The following ASAP2 variants were observed in gnomAD, a reference collection of about 807,000 sequenced individuals.
ASAP2 encodes ArfGAP with SH3 domain, ankyrin repeat and PH domain 2.
ASAP2 carries 45 observed loss-of-function variants against 131.4 expected under a neutral mutation model. That is an observed-to-expected ratio of 0.34 (90% CI 0.27 to 0.44). The LOEUF is 0.44. ASAP2 is among the 20% of genes least tolerant of loss of function. ASAP2 has a pLI of 1.00. For synonymous variants in ASAP2, 510 were observed against 503.0 expected, an observed-to-expected ratio of 1.01 and a Z score of -0.19; for missense variants, 1,011 against 1,297.0, an observed-to-expected ratio of 0.78 and a Z score of 3.39.
chr2:9,379,453 G>C (rs1282770925), intron 19 of ASAP2, among the ~76,000 whole-genome samples: 1 of 152,046 alleles, frequency 6.6e-6, no homozygotes, highest in Non-Finnish European at 1.5e-5. Flanking sequence ...CGGATTACAG[G>C]GGGAGATGCT....
rs1440039817 is a variant in ASAP2 at position 9,356,222 on chromosome 2, A to G, written c.1204A>G (p.Asn402Asp). 6.8e-6 allele frequency: 11 copies of G among 1,614,176 alleles called. No homozygotes were observed. Among genetic ancestry groups the G allele is most frequent in the Non-Finnish European group, 9.3e-6 (11 of 1,180,020 alleles). Residue 402 changes from asparagine to aspartate, a missense_variant, in exon 14 of 28, where the codon AAT (asparagine) becomes GAT (aspartate). By Grantham distance (23) the Asn-to-Asp change is conservative. Coordinates refer to ENST00000281419, the MANE Select transcript of ASAP2 (RefSeq NM_003887.3). ...AAATAGCAAAGAAGAAGCTTTAAAC[A>G]ATGCATTTAAGGGGGATGACAATAC... ...LQNSKEEALN[N>D]AFKGDDNTGE...
At chr2:9,331,995 G>T (rs534397987) in intron 7 of ASAP2, among the ~76,000 whole-genome samples, 1 of 152,098 alleles carries the variant, frequency 6.6e-6, no homozygotes, top group South Asian at 2.1e-4. Context: ...ATGTGGTGGC[G>T]TGAAGGCTGC....
At chr2:9,273,468 C>G (rs1666548939) in intron 1 of ASAP2, among the ~76,000 whole-genome samples, 1 of 152,194 alleles carries the variant, frequency 6.6e-6, no homozygotes, top group Non-Finnish European at 1.5e-5. Flanking sequence ...GCTGCCTAGA[C>G]CAAGCTGATT....
At chr2:9,388,187 G>A in intron 21 of ASAP2, 107 bp from the exon 22 acceptor site, 2 of 1,430,262 alleles carry the variant, frequency 1.4e-6, no homozygotes, top group Non-Finnish European at 1.9e-6. Context: ...ATGGTACCAG[G>A]CCCAGCAGAG....
intron 2 of ASAP2, among the ~76,000 whole-genome samples, chr2:9,292,019 C>T (rs1034816173): frequency 1.3e-5 from 2 of 152,072 alleles, no homozygotes; most frequent in Non-Finnish European, 2.9e-5. Context: ...TCAGGAAACC[C>T]GAGTTCTTGT....
At chr2:9,224,758 T>A (rs1305021760) in intron 1 of ASAP2, among the ~76,000 whole-genome samples, 4 of 152,266 alleles carry the variant, frequency 2.6e-5, no homozygotes, top group South Asian at 4.1e-4. Context: ...TGTCCTTTTT[T>A]ATCCATCCAT....
intron 1 of ASAP2, among the ~76,000 whole-genome samples, chr2:9,211,220 T>A: frequency 6.6e-6 from 1 of 152,202 alleles, no homozygotes; most frequent in East Asian, 1.9e-4. Flanking sequence ...TTTATAATTT[T>A]TCACTTGACC....
intron 3 of ASAP2, among the ~76,000 whole-genome samples, chr2:9,305,706 AGTGG>A (rs141300447): frequency 6.9e-6 from 1 of 145,490 alleles, no homozygotes. Context: ...AGGCTGTAGT[AGTGG>A]GGTATAGATA....
intron 5 of ASAP2, among the ~76,000 whole-genome samples, chr2:9,321,446 A>T (rs1184980374): frequency 2.6e-5 from 4 of 152,166 alleles, no homozygotes; most frequent in Non-Finnish European, 5.9e-5. Flanking sequence ...GGAGGCCCCC[A>T]CCCAGGATCC....
chr2:9,289,115 C>A (rs1667639023), intron 2 of ASAP2, among the ~76,000 whole-genome samples: 1 of 152,136 alleles, frequency 6.6e-6, no homozygotes, highest in Non-Finnish European at 1.5e-5. Context: ...TTGGCAGGTA[C>A]CAAGGTTTAT....
Position 9,403,263 on chromosome 2 carries a change from T to C in ASAP2, c.2957T>C (p.Ile986Thr). Residue 986 changes from isoleucine to threonine, a missense_variant, in exon 28 of 28, where the codon ATT becomes ACT. Coordinates refer to ENST00000281419, the MANE Select transcript of ASAP2 (RefSeq NM_003887.3). ...EEDQEWWIGH[I>T]DGDPGRKGAF... ...TTTTCTCCATTTCAGATTGGCCACA[T>C]TGATGGAGATCCTGGTCGCAAAGGC... The C allele has an allele frequency of 1.2e-6, 2 of 1,614,102 alleles. No individual in the cohort carries two copies. Among genetic ancestry groups the C allele is most frequent in the Non-Finnish European group, 1.7e-6 (2 of 1,179,970 alleles).
At chr2:9,233,305 T>C (rs1316120124) in intron 1 of ASAP2, among the ~76,000 whole-genome samples, 1 of 152,232 alleles carries the variant, frequency 6.6e-6, no homozygotes, top group African/African-American at 2.4e-5. Flanking sequence ...GTCTCCAGAA[T>C]AAACATCCTC....
intron 1 of ASAP2, among the ~76,000 whole-genome samples, chr2:9,274,838 C>T (rs1436659186): frequency 6.6e-6 from 1 of 152,178 alleles, no homozygotes; most frequent in Non-Finnish European, 1.5e-5. Context: ...TTTATGCACT[C>T]ATCCCTGAGT....
chr2:9,399,823 T>A (rs1676473600), intron 24 of ASAP2, 200 bp from the exon 25 acceptor site: 15 of 601,694 alleles, frequency 2.5e-5, no homozygotes, highest in South Asian at 2.4e-4. Context: ...GGTTTTAGGA[T>A]CAGAAACGTT....
chr2:9,317,118 T>TCACTCACATCCACATTCACACACA (rs1207233181), intron 3 of ASAP2, among the ~76,000 whole-genome samples: 3 of 16,690 alleles, frequency 1.8e-4, no homozygotes, highest in African/African-American at 5.4e-4. Flanking sequence ...CCCCACGCAA[T>TCACTCACATCCACATTCACACACA]CACAACCACA....
chr2:9,269,301 G>T (rs1666174353), intron 1 of ASAP2, among the ~76,000 whole-genome samples: 1 of 152,118 alleles, frequency 6.6e-6, no homozygotes, highest in Admixed American at 6.5e-5. Context: ...TTTGGGTTCA[G>T]TTGGTCTTTC....
At chr2:9,332,006 A>T (rs1456013991) in intron 7 of ASAP2, among the ~76,000 whole-genome samples, 3 of 152,198 alleles carry the variant, frequency 2.0e-5, no homozygotes. Flanking sequence ...TGAAGGCTGC[A>T]GGAGGGGCCC....
At chr2:9,291,736 C>T (rs1667824632) in intron 2 of ASAP2, among the ~76,000 whole-genome samples, 1 of 152,110 alleles carries the variant, frequency 6.6e-6, no homozygotes, top group Non-Finnish European at 1.5e-5. Flanking sequence ...TGTGGTCTGG[C>T]CTGGAGCAGG....
intron 3 of ASAP2, among the ~76,000 whole-genome samples, chr2:9,306,395 C>G (rs1457536626): frequency 1.3e-5 from 2 of 151,714 alleles, no homozygotes; most frequent in Admixed American, 6.6e-5. Context: ...CGAGGGGCCT[C>G]AGGGACGTTT....
Sources: gnomAD v4.1 joint callset for allele counts (sites outside exome capture counted in the v4.1 genomes callset) on GRCh38, gnomAD v4.1.1 for gene constraint, MANE v1.5 for transcripts, NCBI Gene and HGNC (gene_info 2026-07-23, HGNC 2026-07-21) for gene names.